Variants in ACVR1B observed in about 807,000 individuals in gnomAD.
ACVR1B encodes activin A receptor type 1B.
In ACVR1B, 15 loss-of-function variants were observed where a neutral mutation model predicts 55.6. That is an observed-to-expected ratio of 0.27 (90% CI 0.18 to 0.42). The LOEUF is 0.42. Ranked by LOEUF, ACVR1B falls within the 10% of genes least tolerant of loss-of-function variation. ACVR1B has a pLI of 1.00. For missense variants in ACVR1B, 359 were observed against 670.1 expected (o/e 0.54, Z 5.13); for synonymous variants, 247 against 254.6 (o/e 0.97, Z 0.28).
Position 51,994,093 on chromosome 12 carries a change from G to A in ACVR1B, c.1501G>A (p.Glu501Lys), listed in dbSNP as rs2120773266. The change falls in exon 9 of 9, where the codon GAA (glutamate) becomes AAA (lysine). Residue 501 changes from glutamate to lysine, a missense_variant. Glu to Lys is a moderately conservative substitution (Grantham distance 56). Transcript: ENST00000257963. The surrounding 1 kb of genome is among the most constrained non-coding windows in gnomAD (Gnocchi z 4.2). ...KKTLSQLSVQ[E>K]DVKI ...GACCCTCTCCCAGCTCAGCGTGCAGGAAGACGTGAAGATCTAACTGCTCCC... is the reference window on the plus strand; with the variant it reads ...GACCCTCTCCCAGCTCAGCGTGCAGAAAGACGTGAAGATCTAACTGCTCCC... 6.2e-7 allele frequency: 1 copy of A among 1,613,776 alleles called. No individual in the cohort carries two copies. The highest frequency in any genetic ancestry group is 8.5e-7 in the Non-Finnish European group (1 of 1,180,038).
intron 1 of ACVR1B, among the ~76,000 whole-genome samples, chr12:51,973,800 A>G (rs1941793067): frequency 6.6e-6 from 1 of 152,150 alleles, no homozygotes; most frequent in African/African-American, 2.4e-5. Context: ...ACAGGCCATA[A>G]GTGAAGATCT....
intron 4 of ACVR1B, among the ~76,000 whole-genome samples, chr12:51,981,656 A>G (rs1246063465): frequency 2.0e-5 from 3 of 152,078 alleles, no homozygotes; most frequent in African/African-American, 7.2e-5. Flanking sequence ...ACATGGCAAA[A>G]CCCCATCTCT....
At chr12:51,989,667 T>C (rs1361255279) in intron 7 of ACVR1B, among the ~76,000 whole-genome samples, 1 of 152,162 alleles carries the variant, frequency 6.6e-6, no homozygotes, top group Non-Finnish European at 1.5e-5. Context: ...CTTAAAAAAA[T>C]GCAGTGCTAT....
intron 1 of ACVR1B, among the ~76,000 whole-genome samples, chr12:51,966,558 T>C (rs1195210665): frequency 2.0e-5 from 3 of 152,144 alleles, no homozygotes; most frequent in African/African-American, 7.2e-5. Context: ...AAGCAATCCT[T>C]CCACCTCAGC....
In ACVR1B at chr12:51,986,946, C is replaced by G; in HGVS notation, c.1261+4C>G. 2 of 1,614,230 alleles carry G rather than the reference C, an allele frequency of 1.2e-6. No individual in the cohort carries two copies. Reference sequence around the variant, plus strand: ...GCTCGAAGATGCAATTCTGGAGGTACCTTTCTTTTTTGCCTTTGCTCCTAC... The same window carrying G: ...GCTCGAAGATGCAATTCTGGAGGTAGCTTTCTTTTTTGCCTTTGCTCCTAC... On this transcript the variant is annotated splice_donor_region_variant and intron_variant, in intron 7 of 8. Transcript: ENST00000257963.
intron 4 of ACVR1B, 53 bp downstream of exon 4, chr12:51,981,252 T>A: frequency 6.7e-7 from 1 of 1,494,772 alleles, no homozygotes; most frequent in Non-Finnish European, 9.3e-7. Context: ...CTAGAGAAAG[T>A]GCATAGCTAT....
intron 3 of ACVR1B, 65 bp from the exon 4 acceptor site, chr12:51,980,904 G>A: frequency 7.1e-7 from 1 of 1,401,350 alleles, no homozygotes; most frequent in East Asian, 2.3e-5. Flanking sequence ...GTGCCAATTA[G>A]TGTGGGAGTT....
In ACVR1B at chr12:51,994,164, C is replaced by A; in HGVS notation, c.*54C>A. On this transcript the variant is annotated 3_prime_UTR_variant, in exon 9 of 9. Transcript: ENST00000257963. The surrounding 1 kb of genome is among the most constrained non-coding windows in gnomAD (Gnocchi z 4.2). ...GGCAGCGAGAACTACGCACAGCTGC[C>A]GCGTTGAGCGTACGATGGAGGCCTA... is the stretch of plus-strand genomic sequence containing the variant. The A allele has an allele frequency of 6.3e-7, 1 of 1,598,868 alleles. No homozygotes were observed. Among genetic ancestry groups the A allele is most frequent in the Non-Finnish European group, 8.5e-7 (1 of 1,175,886 alleles).
chr12:51,983,942 T>G, intron 4 of ACVR1B, 57 bp from the exon 5 acceptor site: 1 of 1,591,018 alleles, frequency 6.3e-7, no homozygotes, highest in Non-Finnish European at 8.6e-7. Context: ...CTTACCAACC[T>G]TCACTGTTTT....
intron 4 of ACVR1B, among the ~76,000 whole-genome samples, chr12:51,983,221 T>A (rs1384631062): frequency 6.6e-6 from 1 of 152,236 alleles, no homozygotes; most frequent in East Asian, 1.9e-4. Context: ...CGGCATGGCT[T>A]AATTCGATTC....
intron 1 of ACVR1B, chr12:51,953,337 C>T (rs1257289223): frequency 1.0e-6 from 1 of 985,252 alleles, no homozygotes; most frequent in African/African-American, 1.7e-5. Flanking sequence ...GATATTTGTT[C>T]CCAGTGGTGG....
Position 51,976,349 on chromosome 12 carries a change from C to T in ACVR1B, c.354C>T (p.His118=). 2 of 1,614,222 alleles carry T rather than the reference C, an allele frequency of 1.2e-6. No individual in the cohort carries two copies. The highest frequency in any genetic ancestry group is 1.7e-6 in the Non-Finnish European group (2 of 1,180,044). The change falls in exon 3 of 9, where the codon CAC becomes CAT. Residue 118 remains histidine (H), a synonymous_variant. Transcript: ENST00000257963. ...CAGGTCACCTCAAGGAGCCTGAGCACCCGTCCATGTGGGGCCCGGTGGAGC... is the reference window on the plus strand; with the variant it reads ...CAGGTCACCTCAAGGAGCCTGAGCATCCGTCCATGTGGGGCCCGGTGGAGC... ...VPSGHLKEPE[H]PSMWGPVELV... is the part of the protein sequence containing the mutation.
rs2120702160 is a variant in ACVR1B at position 51,985,267 on chromosome 12, C to T, written c.1055C>T (p.Ala352Val). 1.2e-6 allele frequency: 2 copies of T among 1,613,986 alleles called. No individual in the cohort carries two copies. The highest frequency in any genetic ancestry group is 1.7e-6 in the Non-Finnish European group (2 of 1,179,950). ...LVKKNGMCAIADLGLAVRHDA... is the reference protein window; with the variant it reads ...LVKKNGMCAIVDLGLAVRHDA... ...AAGAAAAATGGCATGTGTGCCATAG[C>T]AGACCTGGGCCTGGCTGTCCGTCAT... The change falls in exon 6 of 9, where the codon GCA (alanine) becomes GTA (valine). Residue 352 changes from alanine (A) to valine (V), a missense_variant. Coordinates refer to ENST00000257963, the MANE Select transcript of ACVR1B (RefSeq NM_004302.5).
At chr12:51,957,041 C>T (rs543999734) in intron 1 of ACVR1B, among the ~76,000 whole-genome samples, 18 of 151,952 alleles carry the variant, frequency 1.2e-4, no homozygotes, top group Middle Eastern at 3.4e-3. Flanking sequence ...GCTGAGATTA[C>T]GGGTATGAGC....
chr12:51,994,027 G>A lies in ACVR1B; in HGVS notation c.1435G>A (p.Ala479Thr), dbSNP rs2120772411. Residue 479 changes from alanine (A) to threonine (T), a missense_variant, in exon 9 of 9, where the codon GCC becomes ACC. Ala to Thr is a moderately conservative substitution (Grantham distance 58). Transcript: ENST00000257963. The surrounding 1 kb of genome is among the most constrained non-coding windows in gnomAD (Gnocchi z 4.2). ...MGKMMRECWY[A>T]NGAARLTALR... ...GAAGATGATGCGAGAGTGTTGGTAT[G>A]CCAACGGCGCAGCCCGCCTGACGGC... is the stretch of plus-strand genomic sequence containing the variant. The A allele has an allele frequency of 6.2e-7, 1 of 1,614,112 alleles. No homozygotes were observed. Among genetic ancestry groups the A allele is most frequent in the South Asian group, 1.1e-5 (1 of 91,092 alleles).
At chr12:51,987,249 C>A in intron 7 of ACVR1B, 1 of 628,292 alleles carries the variant, frequency 1.6e-6, no homozygotes, top group African/African-American at 1.8e-5. Flanking sequence ...GCGCATAGCA[C>A]GGGATTCATG....
rs761810456 is a variant in ACVR1B at position 51,976,377 on chromosome 12, G to T, written c.382G>T (p.Val128Leu). The change falls in exon 3 of 9, where the codon GTA becomes TTA. Residue 128 changes from valine (V) to leucine (L), a missense_variant. Physicochemically the swap from Val to Leu is conservative, Grantham distance 32. Coordinates refer to ENST00000257963, the MANE Select transcript of ACVR1B (RefSeq NM_004302.5). ...GTCCATGTGGGGCCCGGTGGAGCTGGTAGGCATCATCGCCGGCCCGGTGTT... is the reference window on the plus strand; with the variant it reads ...GTCCATGTGGGGCCCGGTGGAGCTGTTAGGCATCATCGCCGGCCCGGTGTT... ...HPSMWGPVEL[V>L]GIIAGPVFLL... The T allele has an allele frequency of 1.9e-6, 3 of 1,614,176 alleles. No individual in the cohort carries two copies. The highest frequency in any genetic ancestry group is 2.5e-6 in the Non-Finnish European group (3 of 1,180,032).
intron 7 of ACVR1B, among the ~76,000 whole-genome samples, chr12:51,989,535 T>G (rs1432831045): frequency 6.6e-6 from 1 of 152,228 alleles, no homozygotes; most frequent in East Asian, 1.9e-4. Context: ...TCCACCTGCC[T>G]TAGCCTCCCA....
intron 4 of ACVR1B, among the ~76,000 whole-genome samples, 178 bp from the exon 5 acceptor site, chr12:51,983,821 A>T (rs1049196975): frequency 6.6e-6 from 1 of 152,198 alleles, no homozygotes; most frequent in Non-Finnish European, 1.5e-5. Context: ...TGAGGTCCCA[A>T]ACTGGTAGAC....
Sources: allele counts gnomAD v4.1 joint callset (sites outside exome capture counted in the v4.1 genomes callset), GRCh38; gene constraint gnomAD v4.1.1; non-coding constraint Gnocchi (gnomAD v3.1); transcripts MANE v1.5; gene names NCBI Gene and HGNC (gene_info 2026-07-23, HGNC 2026-07-21).